MARCHF3: variants seen among roughly 807,000 people sequenced by gnomAD.
The protein encoded by MARCHF3 is E3 ubiquitin-protein ligase MARCHF3.
Under a neutral mutation model 24.2 loss-of-function variants are expected in MARCHF3, and 13 were observed. The ratio of observed to expected loss-of-function variants is 0.54; its 90% confidence interval spans 0.35 to 0.85. MARCHF3 has a LOEUF of 0.85. Ranked by LOEUF, MARCHF3 falls within the 40% of genes least tolerant of loss-of-function variation. The pLI is 0.01. For missense variants in MARCHF3, 276 were observed against 325.0 expected (o/e 0.85, Z 1.16); for synonymous variants, 144 against 137.3 (o/e 1.05, Z -0.34).
chr5:127,010,544 C>A (rs1752439993), intron 1 of MARCHF3, among the ~76,000 whole-genome samples: 1 of 152,178 alleles, frequency 6.6e-6, no homozygotes, highest in African/African-American at 2.4e-5. Context: ...TGGAAGCCAA[C>A]AGGCCTCTTA....
At chr5:127,002,742 A>AT (rs1426894782) in intron 1 of MARCHF3, among the ~76,000 whole-genome samples, 1 of 152,230 alleles carries the variant, frequency 6.6e-6, no homozygotes, top group Admixed American at 6.5e-5. Flanking sequence ...ACGTTCAGAA[A>AT]GTGGATGGCC....
chr5:127,001,542 CTCAGGAGTCATATTTGCT>C (rs938213818), intron 1 of MARCHF3, among the ~76,000 whole-genome samples: 1 of 152,192 alleles, frequency 6.6e-6, no homozygotes, highest in Non-Finnish European at 1.5e-5. Context: ...AAGCCAAAAA[CTCAGGAGTCATATTTGCT>C]TCCCTCCCAT....
At chr5:126,940,895 T>C (rs1388692575) in intron 1 of MARCHF3, among the ~76,000 whole-genome samples, 2 of 152,342 alleles carry the variant, frequency 1.3e-5, no homozygotes, top group Non-Finnish European at 1.5e-5. Context: ...AACCACATCA[T>C]GGACAATGGG....
At chr5:127,016,999 C>A (rs1752655903) in intron 1 of MARCHF3, among the ~76,000 whole-genome samples, 1 of 152,100 alleles carries the variant, frequency 6.6e-6, no homozygotes, top group African/African-American at 2.4e-5. Context: ...CCATTCTCAG[C>A]AAACTATCAC....
chr5:126,920,995 C>T (rs553416721), intron 1 of MARCHF3, among the ~76,000 whole-genome samples: 1 of 151,874 alleles, frequency 6.6e-6, no homozygotes, highest in East Asian at 1.9e-4. Context: ...CTTGCCTTCT[C>T]CTACAAGCAA....
intron 1 of MARCHF3, among the ~76,000 whole-genome samples, chr5:127,010,772 A>T (rs905445028): frequency 1.1e-4 from 17 of 152,220 alleles, no homozygotes. Context: ...AAACATGAGT[A>T]AACCTTCAGG....
intron 1 of MARCHF3, among the ~76,000 whole-genome samples, chr5:126,966,890 T>C (rs1254898338): frequency 7.4e-6 from 1 of 134,866 alleles, no homozygotes; most frequent in Non-Finnish European, 1.6e-5. Context: ...TTCTCTCTTG[T>C]TGGGCTGTGA....
intron 1 of MARCHF3, among the ~76,000 whole-genome samples, chr5:126,961,737 T>C (rs943392579): frequency 3.3e-5 from 5 of 152,200 alleles, no homozygotes; most frequent in Admixed American, 1.3e-4. Flanking sequence ...TGAAGTCAAA[T>C]TTATAGTCAT....
At chr5:126,946,017 G>A (rs1012988310) in intron 1 of MARCHF3, among the ~76,000 whole-genome samples, 6 of 152,032 alleles carry the variant, frequency 3.9e-5, no homozygotes, top group Non-Finnish European at 4.4e-5. Flanking sequence ...GGTCACTCTG[G>A]GTAGTGACCC....
chr5:126,910,241 T>G (rs914313318), intron 3 of MARCHF3, among the ~76,000 whole-genome samples: 3 of 152,226 alleles, frequency 2.0e-5, no homozygotes, highest in African/African-American at 4.8e-5. Flanking sequence ...CAAGGGTGGA[T>G]GTTATGAATA....
intron 1 of MARCHF3, among the ~76,000 whole-genome samples, chr5:126,965,673 T>C (rs1193900396): frequency 6.6e-6 from 1 of 151,986 alleles, no homozygotes; most frequent in South Asian, 2.1e-4. Flanking sequence ...GCACACAAAA[T>C]AGTGAGTCAG....
intron 1 of MARCHF3, among the ~76,000 whole-genome samples, chr5:126,921,192 A>T (rs1749096909): frequency 6.6e-6 from 1 of 152,132 alleles, no homozygotes; most frequent in South Asian, 2.1e-4. Flanking sequence ...CATGCCAGCA[A>T]TGAGTCCCAA....
chr5:126,908,153 C>T (rs928201559), intron 3 of MARCHF3, among the ~76,000 whole-genome samples: 4 of 152,108 alleles, frequency 2.6e-5, no homozygotes, highest in Admixed American at 1.3e-4. Context: ...TTGGCCCCCA[C>T]CCTCTTCTGG....
chr5:126,966,696 A>C (rs901228966), intron 1 of MARCHF3, among the ~76,000 whole-genome samples: 1 of 151,976 alleles, frequency 6.6e-6, no homozygotes, highest in Non-Finnish European at 1.5e-5. Context: ...AATACCATTT[A>C]CTGAACATAT....
intron 1 of MARCHF3, among the ~76,000 whole-genome samples, chr5:126,970,088 T>G (rs1750953642): frequency 6.7e-6 from 1 of 150,094 alleles, no homozygotes; most frequent in African/African-American, 2.4e-5. Flanking sequence ...TTTTCTTTTT[T>G]TTTTAATTTT....
intron 1 of MARCHF3, among the ~76,000 whole-genome samples, chr5:127,017,712 G>A (rs1298838098): frequency 4.0e-5 from 6 of 151,876 alleles, no homozygotes; most frequent in Non-Finnish European, 7.4e-5. Flanking sequence ...TCATTAAGTC[G>A]AGGACTATCT....
At chr5:126,994,279 T>C (rs1404808271) in intron 1 of MARCHF3, among the ~76,000 whole-genome samples, 1 of 152,202 alleles carries the variant, frequency 6.6e-6, no homozygotes, top group African/African-American at 2.4e-5. Flanking sequence ...TGATTCCATT[T>C]ATATGACATC....
At chr5:126,946,788 G>GTGTGTGTGTGTGTGTGTC (rs1239541121) in intron 1 of MARCHF3, among the ~76,000 whole-genome samples, 1 of 151,426 alleles carries the variant, frequency 6.6e-6, no homozygotes, top group African/African-American at 2.4e-5. Flanking sequence ...GTGTGTGTGT[G>GTGTGTGTGTGTGTGTGTC]TGTGTGTGTC....
At chr5:126,977,278 C>A (rs1751233708) in intron 1 of MARCHF3, among the ~76,000 whole-genome samples, 1 of 152,174 alleles carries the variant, frequency 6.6e-6, no homozygotes, top group Non-Finnish European at 1.5e-5. Flanking sequence ...ATAATTGACT[C>A]CCCTCTTTGC....
Sources: allele counts gnomAD v4.1 joint callset (sites outside exome capture counted in the v4.1 genomes callset), GRCh38; gene constraint gnomAD v4.1.1; transcripts MANE v1.5; gene names NCBI Gene and HGNC (gene_info 2026-07-23, HGNC 2026-07-21).